The following PKP4 variants were observed in gnomAD, a reference collection of about 807,000 sequenced individuals.
PKP4 encodes plakophilin 4, also known as plakophilin-4.
Under a neutral mutation model 145.1 loss-of-function variants are expected in PKP4, and 90 were observed. The observed-to-expected ratio is 0.62, with a 90% CI of 0.52 to 0.74. The LOEUF (loss-of-function observed/expected upper bound fraction) is 0.74. PKP4 is among the 30% of genes least tolerant of loss of function. PKP4 has a pLI of 0.00. For synonymous variants in PKP4, 563 were observed against 577.2 expected (o/e 0.98, Z 0.35); for missense variants, 1,340 against 1,482.7 (o/e 0.90, Z 1.58).
intron 1 of PKP4, among the ~76,000 whole-genome samples, chr2:158,479,567 A>G (rs927007610): frequency 1.3e-5 from 2 of 152,152 alleles, no homozygotes; most frequent in Non-Finnish European, 2.9e-5. Flanking sequence ...ACATTTTTTA[A>G]TTTTATTTTT....
chr2:158,634,803 C>T (rs188658775), intron 9 of PKP4, among the ~76,000 whole-genome samples: 1 of 151,574 alleles, frequency 6.6e-6, no homozygotes, highest in Admixed American at 6.6e-5. Context: ...AGAAGACAGT[C>T]TTTATAAGAA....
intron 4 of PKP4, among the ~76,000 whole-genome samples, chr2:158,612,573 C>T (rs1479921083): frequency 6.6e-6 from 1 of 152,116 alleles, no homozygotes; most frequent in Non-Finnish European, 1.5e-5. Flanking sequence ...GAAAGCTTAA[C>T]AATTTATGCT....
chr2:158,475,738 C>T (rs1297802108), intron 1 of PKP4, among the ~76,000 whole-genome samples: 2 of 152,148 alleles, frequency 1.3e-5, no homozygotes, highest in African/African-American at 4.8e-5. Context: ...AAGTAAGACC[C>T]ATTTGTTCAC....
intron 1 of PKP4, among the ~76,000 whole-genome samples, chr2:158,508,649 G>T (rs945259373): frequency 6.6e-6 from 1 of 152,110 alleles, no homozygotes; most frequent in African/African-American, 2.4e-5. Context: ...CTCCATCTTT[G>T]CTAAACGTTA....
intron 1 of PKP4, among the ~76,000 whole-genome samples, chr2:158,468,090 A>G (rs1690937942): frequency 6.6e-6 from 1 of 152,208 alleles, no homozygotes; most frequent in African/African-American, 2.4e-5. Context: ...ATGAATATGT[A>G]TGTACAGTTT....
At chr2:158,511,171 G>A (rs939916766) in intron 1 of PKP4, among the ~76,000 whole-genome samples, 1 of 152,196 alleles carries the variant, frequency 6.6e-6, no homozygotes, top group Non-Finnish European at 1.5e-5. Flanking sequence ...CGGATCACCT[G>A]AGGTCAGGAG....
rs563269448 is a variant in PKP4 at position 158,470,867 on chromosome 2, A to C, written c.-6+13649A>C. The stretch of plus-strand genomic sequence containing the variant: ...GGCCAGAGTCCTGAGAAGGCCTCCC[A>C]CTGAGTGCGGGGCTGGGGAGGGGAG... On this transcript the variant is annotated intron_variant, in intron 1 of 21. Coordinates refer to ENST00000389759, the MANE Select transcript of PKP4 (RefSeq NM_003628.6). Among the ~76,000 whole-genome samples the C allele has an allele frequency of 1.2e-3, 176 of 152,260 alleles. 1 individual carries two copies. Among genetic ancestry groups the C allele is most frequent in the Non-Finnish European group, 2.6e-4 (18 of 68,010 alleles).
chr2:158,550,140 A>AATCTATTAATTTTATTAAT (rs550269421), intron 2 of PKP4, among the ~76,000 whole-genome samples: 1 of 151,864 alleles, frequency 6.6e-6, no homozygotes, highest in Non-Finnish European at 1.5e-5. Context: ...TTCTGCCAAG[A>AATCTATTAATTTTATTAAT]AGAAGTTAAA....
intron 6 of PKP4, among the ~76,000 whole-genome samples, chr2:158,621,939 A>G (rs990911079): frequency 3.3e-5 from 5 of 152,170 alleles, no homozygotes; most frequent in Non-Finnish European, 2.9e-5. Context: ...ATGAATTCTG[A>G]TGAGTTCCTG....
Position 158,631,909 on chromosome 2 carries a change from G to T in PKP4, c.1310G>T (p.Gly437Val). 6.2e-7 allele frequency: 1 copy of T among 1,614,022 alleles called. No homozygotes were observed. Among genetic ancestry groups the T allele is most frequent in the East Asian group, 2.2e-5 (1 of 44,874 alleles). ...AACCATGGAACTGTGGAGCTCCAAG[G>T]ATCGCAGACGGCGTTGTATCGCACA... Reference protein sequence around the residue: ...SPNHGTVELQGSQTALYRTGS... With the variant: ...SPNHGTVELQVSQTALYRTGS... The change falls in exon 8 of 22, where the codon GGA (glycine) becomes GTA (valine). Residue 437 changes from glycine to valine, a missense_variant. Gly to Val is a moderately radical substitution (Grantham distance 109, BLOSUM62 -3). Coordinates refer to ENST00000389759, the MANE Select transcript of PKP4 (RefSeq NM_003628.6).
At chr2:158,511,889 A>G (rs189122688) in intron 1 of PKP4, among the ~76,000 whole-genome samples, 37 of 150,660 alleles carry the variant, frequency 2.5e-4, no homozygotes, top group African/African-American at 8.7e-4. Context: ...GGTGTTTAAG[A>G]AAAAAAAAAT....
chr2:158,661,550 T>C (rs2056583309), intron 13 of PKP4, 100 bp downstream of exon 13: 2 of 775,726 alleles, frequency 2.6e-6, no homozygotes, highest in African/African-American at 1.7e-5. Context: ...CTGCGGATCC[T>C]GTCCTCCTCA....
At chr2:158,553,023 G>T (rs1386917716) in intron 2 of PKP4, among the ~76,000 whole-genome samples, 1 of 152,112 alleles carries the variant, frequency 6.6e-6, no homozygotes, top group Non-Finnish European at 1.5e-5. Context: ...AAACTTAGCT[G>T]AATTGTCTCT....
At chr2:158,507,457 A>C (rs993892573) in intron 1 of PKP4, among the ~76,000 whole-genome samples, 2 of 152,202 alleles carry the variant, frequency 1.3e-5, no homozygotes, top group Admixed American at 1.3e-4. Flanking sequence ...GGACTCGGTC[A>C]TGGCAACCTG....
At chr2:158,511,925 A>C (rs578072188) in intron 1 of PKP4, among the ~76,000 whole-genome samples, 4 of 152,214 alleles carry the variant, frequency 2.6e-5, no homozygotes, top group Non-Finnish European at 5.9e-5. Context: ...TTGTCCTCAA[A>C]ATGGGTAGTA....
chr2:158,604,209 T>C (rs1027455384), intron 4 of PKP4, among the ~76,000 whole-genome samples: 2 of 152,142 alleles, frequency 1.3e-5, no homozygotes, highest in African/African-American at 4.8e-5. Context: ...GCCTTGGGCT[T>C]GATGGGCGGC....
chr2:158,481,169 C>G (rs1693293531), intron 1 of PKP4, among the ~76,000 whole-genome samples: 1 of 152,122 alleles, frequency 6.6e-6, no homozygotes, highest in South Asian at 2.1e-4. Context: ...AGCAATCCTC[C>G]CACCTCAGCC....
chr2:158,549,493 T>C (rs2045403133), intron 2 of PKP4, among the ~76,000 whole-genome samples: 1 of 152,160 alleles, frequency 6.6e-6, no homozygotes, highest in African/African-American at 2.4e-5. Context: ...AATATGTTCC[T>C]TCCCACCGCC....
chr2:158,581,890 TC>T (rs959468608), intron 3 of PKP4, among the ~76,000 whole-genome samples: 2 of 152,236 alleles, frequency 1.3e-5, no homozygotes, highest in African/African-American at 4.8e-5. Context: ...TTAGTAGTCT[TC>T]CAAACAAGGT....
Sources: allele counts gnomAD v4.1 joint callset (sites outside exome capture counted in the v4.1 genomes callset), GRCh38; gene constraint gnomAD v4.1.1; transcripts MANE v1.5; gene names NCBI Gene and HGNC (gene_info 2026-07-23, HGNC 2026-07-21).